The following ABCC4 variants were observed in gnomAD, a reference collection of about 807,000 sequenced individuals.
ABCC4 encodes the protein ATP binding cassette subfamily C member 4 (PEL blood group), also known as ATP-binding cassette sub-family C member 4.
A neutral mutation model predicts 168.5 loss-of-function variants in ABCC4; 102 were observed. That is an observed-to-expected ratio of 0.61 (90% CI 0.52 to 0.71). The LOEUF (loss-of-function observed/expected upper bound fraction) is 0.71. Ranked by LOEUF, ABCC4 falls within the 30% of genes least tolerant of loss-of-function variation. The pLI, the probability that ABCC4 is intolerant of heterozygous loss-of-function variation, is 0.00. For missense variants in ABCC4, 1,402 were observed against 1,605.8 expected, an observed-to-expected ratio of 0.87 and a Z score of 2.17; for synonymous variants, 617 against 590.7, an observed-to-expected ratio of 1.04 and a Z score of -0.65.
chr13:95,194,552 T>G (rs1194729986), intron 9 of ABCC4, among the ~76,000 whole-genome samples: 1 of 152,234 alleles, frequency 6.6e-6, no homozygotes, highest in Non-Finnish European at 1.5e-5. Flanking sequence ...AATCCAGCGT[T>G]GCCAATGTCC....
At chr13:95,173,531 G>A (rs756262125) in intron 13 of ABCC4, among the ~76,000 whole-genome samples, 1 of 152,214 alleles carries the variant, frequency 6.6e-6, no homozygotes, top group Non-Finnish European at 1.5e-5. Context: ...ACAGGCAGAC[G>A]TGAGAAATTC....
chr13:95,290,355 A>C (rs1216999613), intron 1 of ABCC4, among the ~76,000 whole-genome samples: 2 of 152,198 alleles, frequency 1.3e-5, no homozygotes, highest in African/African-American at 4.8e-5. Context: ...AATCATTTGA[A>C]GGGAGCAATT....
At chr13:95,175,089 G>A (rs544949316) in intron 13 of ABCC4, among the ~76,000 whole-genome samples, 2 of 152,172 alleles carry the variant, frequency 1.3e-5, no homozygotes, top group East Asian at 1.9e-4. Flanking sequence ...GTGGGTAAAC[G>A]TTCAGGAACC....
intron 1 of ABCC4, among the ~76,000 whole-genome samples, chr13:95,255,550 T>G (rs923765675): frequency 3.9e-5 from 6 of 152,158 alleles, no homozygotes; most frequent in Non-Finnish European, 8.8e-5. Flanking sequence ...CCAGCTTATC[T>G]CGGCCCATGA....
chr13:95,164,187 T>C (rs1594213263), intron 16 of ABCC4, among the ~76,000 whole-genome samples, 191 bp downstream of exon 16: 1 of 152,084 alleles, frequency 6.6e-6, no homozygotes, highest in Admixed American at 6.6e-5. Flanking sequence ...TTTAAAATCA[T>C]TGAAAGATAC....
chr13:95,183,608 A>G (rs928309077), intron 11 of ABCC4, among the ~76,000 whole-genome samples: 2 of 152,236 alleles, frequency 1.3e-5, no homozygotes, highest in Non-Finnish European at 2.9e-5. Context: ...GTAATGTGAC[A>G]AGTCCAAAGT....
At chr13:95,210,819 C>T (rs1302711490) in intron 4 of ABCC4, 38 bp from the exon 5 acceptor site, 2 of 1,500,910 alleles carry the variant, frequency 1.3e-6, no homozygotes, top group Non-Finnish European at 1.9e-6. Context: ...TGTATTCATG[C>T]AGTGATACTA....
chr13:95,265,710 C>T (rs2040651440), intron 1 of ABCC4, among the ~76,000 whole-genome samples: 1 of 152,096 alleles, frequency 6.6e-6, no homozygotes, highest in Non-Finnish European at 1.5e-5. Flanking sequence ...TCAAAACACA[C>T]ATACAAGAGG....
At chr13:95,203,171 T>C (rs548368085) in intron 8 of ABCC4, among the ~76,000 whole-genome samples, 22 of 152,294 alleles carry the variant, frequency 1.4e-4, no homozygotes, top group Admixed American at 1.4e-3. Context: ...CACCAGCTAT[T>C]ACCTGTTCAT....
intron 1 of ABCC4, among the ~76,000 whole-genome samples, chr13:95,268,516 T>A (rs995729162): frequency 8.0e-6 from 1 of 125,676 alleles, no homozygotes; most frequent in East Asian, 2.2e-4. Flanking sequence ...ATCTGTCTCC[T>A]GCTCGTCCCT....
intron 14 of ABCC4, among the ~76,000 whole-genome samples, chr13:95,167,918 G>A (rs1444418474): frequency 6.6e-6 from 1 of 152,162 alleles, no homozygotes; most frequent in East Asian, 1.9e-4. Context: ...CCAGGCTGGA[G>A]TGCAATGGCG....
chr13:95,110,217 G>A (rs926120984), intron 20 of ABCC4, among the ~76,000 whole-genome samples: 4 of 150,204 alleles, frequency 2.7e-5, no homozygotes, highest in Admixed American at 1.3e-4. Flanking sequence ...GCGGAGGCAG[G>A]AGAATTGCTT....
chr13:95,150,062 C>T (rs141511688), intron 19 of ABCC4, among the ~76,000 whole-genome samples: 1 of 152,132 alleles, frequency 6.6e-6, no homozygotes. Flanking sequence ...CAGCTTCTAA[C>T]ATTTGGGCTC....
At chr13:95,285,204 C>A (rs1157623108) in intron 1 of ABCC4, among the ~76,000 whole-genome samples, 2 of 152,156 alleles carry the variant, frequency 1.3e-5, no homozygotes, top group Non-Finnish European at 2.9e-5. Flanking sequence ...GCTGAGATCA[C>A]ACCACTGTAC....
intron 1 of ABCC4, among the ~76,000 whole-genome samples, chr13:95,254,832 G>T (rs1052841770): frequency 6.6e-6 from 1 of 151,978 alleles, no homozygotes. Flanking sequence ...GTTTTCCCCT[G>T]GAGGCATCTA....
chr13:95,139,728 A>G (rs2036256585), intron 19 of ABCC4, among the ~76,000 whole-genome samples: 1 of 152,152 alleles, frequency 6.6e-6, no homozygotes, highest in African/African-American at 2.4e-5. Flanking sequence ...ACCATCCCAG[A>G]GTCATATTCA....
At chr13:95,194,247 G>A (rs2038346804) in intron 9 of ABCC4, among the ~76,000 whole-genome samples, 1 of 152,184 alleles carries the variant, frequency 6.6e-6, no homozygotes, top group Non-Finnish European at 1.5e-5. Flanking sequence ...CTTACCACAC[G>A]GTGAAACCCT....
At chr13:95,079,528 T>A (rs1452422491) in intron 21 of ABCC4, among the ~76,000 whole-genome samples, 4 of 152,190 alleles carry the variant, frequency 2.6e-5, no homozygotes, top group Non-Finnish European at 5.9e-5. Flanking sequence ...AAAAACAGAC[T>A]TGAGGCATTA....
At position 95,173,348 on chromosome 13, in the gene ABCC4, A is replaced by G. The variant is rs577788493; in HGVS notation, c.1728-2720T>C. Among the ~76,000 whole-genome samples the G allele has an allele frequency of 9.8e-5, 15 of 152,342 alleles. No individual in the cohort carries two copies. The South Asian group carries it at 2.5e-3, about 25-fold the overall frequency. ...TAGTGCGGGGGCTGGAGGGAAGAAC[A>G]CATAGGTGGATCAAGAGCAGCTCAT... is the stretch of plus-strand genomic sequence containing the variant. On this transcript the variant is annotated intron_variant, in intron 13 of 30. Transcript: ENST00000645237.
Sources: allele counts gnomAD v4.1 joint callset (sites outside exome capture counted in the v4.1 genomes callset), GRCh38; gene constraint gnomAD v4.1.1; transcripts MANE v1.5; gene names NCBI Gene and HGNC (gene_info 2026-07-23, HGNC 2026-07-21).